The following C2orf49 variants were observed in gnomAD, a reference collection of about 807,000 sequenced individuals.
C2orf49 encodes tRNA splicing ligase complex subunit 2, also known as tRNA-splicing ligase complex subunit ASW.
A neutral mutation model predicts 20.6 loss-of-function variants in C2orf49; 11 were observed. The ratio of observed to expected loss-of-function variants is 0.53; its 90% CI spans 0.34 to 0.88. C2orf49 has a LOEUF of 0.88. Among genes scored for constraint, C2orf49 ranks in the 40% least tolerant of loss-of-function variants. The probability of loss-of-function intolerance (pLI) is 0.02; values close to 1 mark genes in which losing one functional copy is unlikely to be tolerated. For synonymous variants in C2orf49, 134 were observed against 108.5 expected (o/e 1.24, Z -1.46); for missense variants, 289 against 274.2 (o/e 1.05, Z -0.38).
the C2orf49 span, chr2:105,376,375 A>C: frequency 6.6e-6 from 1 of 152,188 alleles, no homozygotes; most frequent in Non-Finnish European, 1.5e-5. Context: ...AAAATCCAGA[A>C]ACGACCAAAC....
At chr2:105,369,266 C>T in the C2orf49 span, among the ~76,000 whole-genome samples, 1 of 152,162 alleles carries the variant, frequency 6.6e-6, no homozygotes, top group African/African-American at 2.4e-5. Context: ...ACACAGGTGG[C>T]TTATAGGAGT....
At chr2:105,379,356 T>C in the C2orf49 span, among the ~76,000 whole-genome samples, 2 of 152,190 alleles carry the variant, frequency 1.3e-5, no homozygotes, top group African/African-American at 4.8e-5. Flanking sequence ...TGAACCTACA[T>C]TTCCTTATGA....
At position 105,343,159 on chromosome 2, in the gene C2orf49, C is replaced by A. The variant is rs145174989; in HGVS notation, c.578C>A (p.Ser193Tyr). Reference sequence around the variant, plus strand: ...GGCCCTGTGAAGTCGCCACCATTGTCCCCTGTTGGAACTACTCCAGTGAAG... The same window carrying A: ...GGCCCTGTGAAGTCGCCACCATTGTACCCTGTTGGAACTACTCCAGTGAAG... ...PSGPVKSPPL[S>Y]PVGTTPVKLK... The change falls in exon 3 of 4, where the codon TCC becomes TAC. Residue 193 changes from serine (S) to tyrosine (Y), a missense_variant. Physicochemically the swap from Ser to Tyr is moderately radical, Grantham distance 144. Coordinates refer to ENST00000258457, the MANE Select transcript of C2orf49 (RefSeq NM_024093.3). 5.0e-6 allele frequency: 8 copies of A among 1,613,968 alleles called. No individual in the cohort carries two copies. The highest frequency in any genetic ancestry group is 6.8e-6 in the Non-Finnish European group (8 of 1,179,968).
chr2:105,344,746 A>T (rs1244432919), intron 3 of C2orf49, among the ~76,000 whole-genome samples: 1 of 145,230 alleles, frequency 6.9e-6, no homozygotes, highest in Non-Finnish European at 1.5e-5. Flanking sequence ...CACCCAGCTA[A>T]TTTTTTTTTT....
chr2:105,346,950 A>G lies in C2orf49; in HGVS notation c.*1579A>G, dbSNP rs1206325123. 6.6e-6 allele frequency: 1 copy of G among 152,182 alleles called. No homozygotes were observed. Among genetic ancestry groups the G allele is most frequent in the Admixed American group, 6.5e-5 (1 of 15,282 alleles). The allele number at this position is 152,182 out of a possible 1,614,324, so 9.4% of individuals were successfully genotyped here. On this transcript the variant is annotated 3_prime_UTR_variant, in exon 4 of 4. Coordinates refer to ENST00000258457, the MANE Select transcript of C2orf49 (RefSeq NM_024093.3). ...GGATACTTCATACTTTTTTCGTTAT[A>G]TGATTGATCTTCAAATTGGGATTTA...
chr2:105,337,812 C>T (rs1679544292), intron 1 of C2orf49, 126 bp downstream of exon 1: 4 of 771,830 alleles, frequency 5.2e-6, no homozygotes, highest in Non-Finnish European at 8.2e-6. Context: ...CACTCTCCAC[C>T]CACACAGACC....
At chr2:105,361,019 T>G in the C2orf49 span, 2 of 326,378 alleles carry the variant, frequency 6.1e-6, no homozygotes, top group African/African-American at 2.1e-5. Context: ...TTCAAAAGGA[T>G]TTTTACATTT....
chr2:105,378,382 C>T, the C2orf49 span: 1 of 349,636 alleles, frequency 2.9e-6, no homozygotes, highest in Non-Finnish European at 5.6e-6. Flanking sequence ...GATCCCACCT[C>T]GCAAGGTGAA....
At chr2:105,352,230 T>A (rs1679951571), downstream of C2orf49, among the ~76,000 whole-genome samples, 1 of 152,184 alleles carries the variant, frequency 6.6e-6, no homozygotes, top group Non-Finnish European at 1.5e-5. Flanking sequence ...TCATATCATT[T>A]AAGATAGTTT....
chr2:105,363,014 T>G, the C2orf49 span: 1 of 414,234 alleles, frequency 2.4e-6, no homozygotes, highest in Non-Finnish European at 4.4e-6. Context: ...AGACTGCAGT[T>G]TTAGCGATAA....
chr2:105,347,705 A>G lies in C2orf49; in HGVS notation c.*2334A>G, dbSNP rs1173758863. On this transcript the variant is annotated 3_prime_UTR_variant, in exon 4 of 4. Transcript: ENST00000258457. Reference sequence around the variant, plus strand: ...CTTGTCTTGAAATGTCTTTCTCCACATAATGAAGCATGCTGAATGCTGGGA... The same window carrying G: ...CTTGTCTTGAAATGTCTTTCTCCACGTAATGAAGCATGCTGAATGCTGGGA... 6.6e-6 allele frequency: 1 copy of G among 152,238 alleles called. No homozygotes were observed. The highest frequency in any genetic ancestry group is 1.5e-5 in the Non-Finnish European group (1 of 68,058). The allele number at this position is 152,238 out of a possible 1,614,324, so 9.4% of individuals were successfully genotyped here. A position where few individuals can be genotyped will look rare whatever the true frequency, so the allele number is the denominator to read the frequency against.
intron 2 of C2orf49, among the ~76,000 whole-genome samples, chr2:105,340,184 G>C (rs1679629000): frequency 6.6e-6 from 1 of 152,226 alleles, no homozygotes; most frequent in Non-Finnish European, 1.5e-5. Flanking sequence ...GAAGTAGGAA[G>C]AACGAGTTGT....
the C2orf49 span, chr2:105,361,379 G>C: frequency 6.2e-7 from 1 of 1,614,156 alleles, no homozygotes. Flanking sequence ...TACAGTTAAA[G>C]CAGTCGTTAT....
At chr2:105,380,079 A>G in the C2orf49 span, among the ~76,000 whole-genome samples, 1 of 152,222 alleles carries the variant, frequency 6.6e-6, no homozygotes, top group African/African-American at 2.4e-5. Flanking sequence ...AAAGTTCACA[A>G]TAAGGAGGAA....
At chr2:105,373,510 A>G in the C2orf49 span, 1 of 1,607,084 alleles carries the variant, frequency 6.2e-7, no homozygotes, top group Non-Finnish European at 8.5e-7. Context: ...AACGTGCACA[A>G]GGCTTGAAGC....
chr2:105,367,828 T>A, the C2orf49 span: 4 of 1,367,656 alleles, frequency 2.9e-6, no homozygotes, highest in South Asian at 4.2e-5. Context: ...TGCTGCCCTC[T>A]AGTTTTATGA....
At chr2:105,361,742 A>G in the C2orf49 span, among the ~76,000 whole-genome samples, 1 of 152,166 alleles carries the variant, frequency 6.6e-6, no homozygotes, top group Non-Finnish European at 1.5e-5. Flanking sequence ...GAGAAGAGGG[A>G]GCAGATTTCT....
rs905562958 is a variant in C2orf49, at chr2:105,349,055, A to T, written c.*3684A>T. The T allele has an allele frequency of 6.6e-6, 1 of 152,194 alleles. No individual in the cohort carries two copies. Among genetic ancestry groups the T allele is most frequent in the African/African-American group, 2.4e-5 (1 of 41,448 alleles). The allele number at this position is 152,194 out of a possible 1,614,324, so 9.4% of individuals were successfully genotyped here. ...GGAAATAGAAGTCTCTGAACTTCCCATGTAATATTAAAGCTCTTAACAAAA... is the reference window on the plus strand; with the variant it reads ...GGAAATAGAAGTCTCTGAACTTCCCTTGTAATATTAAAGCTCTTAACAAAA... On this transcript the variant is annotated 3_prime_UTR_variant, in exon 4 of 4. Transcript: ENST00000258457.
the C2orf49 span, chr2:105,363,064 A>G: frequency 3.3e-5 from 18 of 541,702 alleles, no homozygotes; most frequent in Admixed American, 1.0e-4. Context: ...CACTGGCCAT[A>G]TGGTTGTGAT....
Sources: gnomAD v4.1 joint callset for allele counts (sites outside exome capture counted in the v4.1 genomes callset) on GRCh38, gnomAD v4.1.1 for gene constraint, MANE v1.5 for transcripts, NCBI Gene and HGNC (gene_info 2026-07-23, HGNC 2026-07-21) for gene names.